MYO1B: variants seen among roughly 807,000 people sequenced by gnomAD.
MYO1B encodes unconventional myosin-Ib.
In MYO1B, 72 loss-of-function variants were observed where a neutral mutation model predicts 159.7. The ratio of observed to expected loss-of-function variants is 0.45; its 90% confidence interval spans 0.37 to 0.55. MYO1B has a LOEUF of 0.55. Ranked by LOEUF, MYO1B falls within the 20% of genes least tolerant of loss-of-function variation. The pLI, the probability that MYO1B is intolerant of heterozygous loss-of-function variation, is 0.00. For missense variants in MYO1B, 1,062 were observed against 1,364.8 expected (o/e 0.78, Z 3.50); for synonymous variants, 468 against 473.8 (o/e 0.99, Z 0.16).
chr2:191,315,190 T>TCCAC (rs942512361), intron 3 of MYO1B, among the ~76,000 whole-genome samples: 1 of 142,008 alleles, frequency 7.0e-6, no homozygotes, highest in East Asian at 2.1e-4. Context: ...CATCCATCCA[T>TCCAC]CCACCCATCC....
At chr2:191,290,107 G>A (rs151281673) in intron 2 of MYO1B, among the ~76,000 whole-genome samples, 62 of 152,222 alleles carry the variant, frequency 4.1e-4, no homozygotes, top group African/African-American at 1.5e-3. Context: ...ATTACCCTAC[G>A]TTCCCAATTA....
Position 191,260,253 on chromosome 2 carries a change from G to GTTTTTTTTTTTTTTTTTTTTTTT in MYO1B, c.-10+14627_-10+14628insTTTTTTTTTTTTTTTTTTTTTTT, listed in dbSNP as rs1256549425. ...ATAATATTACTTTTTTCCCAGATAG[G>GTTTTTTTTTTTTTTTTTTTTTTT]CTTTTTTTTTTTTTGAATTAAAGCT... On this transcript the variant is annotated intron_variant, in intron 1 of 30. Transcript: ENST00000392318. 1.9e-3 allele frequency among the ~76,000 whole-genome samples: 43 copies of GTTTTTTTTTTTTTTTTTTTTTTT among 22,632 alleles called. No homozygotes were observed. The Non-Finnish European group carries it at 0.028, about 15-fold the overall frequency. 14.8% of individuals were successfully genotyped at this position (22,632 alleles called of 152,430 possible). A position where few individuals can be genotyped will look rare whatever the true frequency, so the allele number is the denominator to read the frequency against.
intron 20 of MYO1B, among the ~76,000 whole-genome samples, chr2:191,393,795 A>T (rs112260030): frequency 6.6e-6 from 1 of 152,352 alleles, no homozygotes; most frequent in East Asian, 1.9e-4. Context: ...CCTAGTTAAT[A>T]TGAAATTTCT....
Position 191,360,714 on chromosome 2 carries a change from T to G in MYO1B, c.646T>G (p.Ser216Ala). 6.2e-7 allele frequency: 1 copy of G among 1,608,856 alleles called. No homozygotes were observed. Among genetic ancestry groups the G allele is most frequent in the East Asian group, 2.2e-5 (1 of 44,812 alleles). ...HVFYQLLSGA[S>A]EELLNKLKLE... Reference sequence around the variant, plus strand: ...GTTCTATCAGCTGCTCTCTGGTGCCTCTGAAGAGCTCCTCAGTAAGTCTCT... The same window carrying G: ...GTTCTATCAGCTGCTCTCTGGTGCCGCTGAAGAGCTCCTCAGTAAGTCTCT... The change falls in exon 8 of 31, where the codon TCT becomes GCT. Residue 216 changes from serine (S) to alanine (A), a missense_variant. Around this residue, in one of 5 missense-constraint regions of MYO1B, gnomAD observed 415 missense variants for 544.0 expected, o/e 0.76. Coordinates refer to ENST00000392318, the MANE Select transcript of MYO1B (RefSeq NM_001130158.3).
At chr2:191,326,283 T>C (rs1459136733) in intron 3 of MYO1B, among the ~76,000 whole-genome samples, 3 of 152,174 alleles carry the variant, frequency 2.0e-5, no homozygotes, top group Admixed American at 2.0e-4. Context: ...TTTATAGTTA[T>C]AAATGTTGGA....
chr2:191,279,766 TA>T (rs34604771), intron 2 of MYO1B, among the ~76,000 whole-genome samples: 20 of 151,438 alleles, frequency 1.3e-4, no homozygotes, highest in Middle Eastern at 6.8e-3. Context: ...AAGATGCAGT[TA>T]AAAAAAAACA....
chr2:191,396,319 T>G (rs1696067756), intron 20 of MYO1B, 110 bp from the exon 21 acceptor site: 1 of 1,081,572 alleles, frequency 9.2e-7, no homozygotes, highest in South Asian at 1.4e-5. Flanking sequence ...CCAGAAGGAG[T>G]ATGGATAATT....
At chr2:191,345,224 C>G (rs888205419) in intron 5 of MYO1B, among the ~76,000 whole-genome samples, 1 of 152,162 alleles carries the variant, frequency 6.6e-6, no homozygotes, top group Non-Finnish European at 1.5e-5. Flanking sequence ...TCTTCCCAGA[C>G]CCATTGAACC....
intron 4 of MYO1B, among the ~76,000 whole-genome samples, chr2:191,335,406 G>A (rs1407823248): frequency 6.6e-6 from 1 of 152,128 alleles, no homozygotes; most frequent in African/African-American, 2.4e-5. Flanking sequence ...AGAATATTGT[G>A]TGTTGTTTAA....
At chr2:191,417,470 G>A (rs1474344564) in intron 30 of MYO1B, among the ~76,000 whole-genome samples, 1 of 152,160 alleles carries the variant, frequency 6.6e-6, no homozygotes, top group African/African-American at 2.4e-5. Context: ...CATAATCTGG[G>A]AGAATGGGCT....
rs201894657 is a variant in MYO1B, at chr2:191,393,233, C to T, written c.2226+11C>T. The stretch of plus-strand genomic sequence containing the variant: ...TACAGGAGATATGCGGTAAGAGTCT[C>T]AGTCATTTTAAATCAGTAATAACAA... On this transcript the variant is annotated intron_variant, in intron 20 of 30. Transcript: ENST00000392318. The T allele has an allele frequency of 3.7e-5, 59 of 1,612,910 alleles. No individual in the cohort carries two copies. Among genetic ancestry groups the T allele is most frequent in the Non-Finnish European group, 4.7e-5 (55 of 1,179,310 alleles).
At chr2:191,284,251 T>C in intron 2 of MYO1B, among the ~76,000 whole-genome samples, 1 of 152,224 alleles carries the variant, frequency 6.6e-6, no homozygotes, top group East Asian at 1.9e-4. Flanking sequence ...TACACATGCA[T>C]CTGTGTCTGT....
chr2:191,253,960 T>A (rs1386373674), intron 1 of MYO1B, among the ~76,000 whole-genome samples: 1 of 152,212 alleles, frequency 6.6e-6, no homozygotes, highest in Non-Finnish European at 1.5e-5. Flanking sequence ...TCATACCGCT[T>A]GTTAGATTTG....
intron 4 of MYO1B, among the ~76,000 whole-genome samples, chr2:191,335,094 A>G (rs902674913): frequency 5.3e-5 from 8 of 152,232 alleles, no homozygotes; most frequent in South Asian, 2.1e-4. Flanking sequence ...GTGATGAACT[A>G]TCGTCTTGGG....
intron 26 of MYO1B, 70 bp from the exon 27 acceptor site, chr2:191,410,996 C>T (rs1697219451): frequency 1.2e-6 from 1 of 865,328 alleles, no homozygotes; most frequent in African/African-American, 1.8e-5. Flanking sequence ...ATTGTCTTAG[C>T]ATATTTAAGA....
chr2:191,308,573 A>G (rs904770452), intron 3 of MYO1B, among the ~76,000 whole-genome samples: 10 of 151,922 alleles, frequency 6.6e-5, no homozygotes, highest in African/African-American at 2.2e-4. Context: ...TTCCATTCCC[A>G]CCAACATAAC....
chr2:191,341,613 T>C (rs1409648448), intron 5 of MYO1B, 48 bp downstream of exon 5: 2 of 1,466,114 alleles, frequency 1.4e-6, no homozygotes, highest in Non-Finnish European at 1.9e-6. Flanking sequence ...AACAGTAGAT[T>C]GAGTTATGTG....
At chr2:191,365,405 A>G (rs957066437) in intron 11 of MYO1B, among the ~76,000 whole-genome samples, 2 of 152,244 alleles carry the variant, frequency 1.3e-5, no homozygotes, top group Non-Finnish European at 2.9e-5. Context: ...TTAGCTTTCA[A>G]CATTGATATC....
rs112708337 is a variant in MYO1B at position 191,283,892 on chromosome 2, G to A, written c.135+6862G>A. On this transcript the variant is annotated intron_variant, in intron 2 of 30. Transcript: ENST00000392318. ...AATGACCTGGACAAATAATCAAAAT[G>A]ATAATCAGTATTCCTGCCATGTGTT... 1.4e-3 allele frequency among the ~76,000 whole-genome samples: 210 copies of A among 152,352 alleles called. 1 individual carries two copies. The highest frequency in any genetic ancestry group is 4.9e-3 in the African/African-American group (202 of 41,588).
Sources: allele counts gnomAD v4.1 joint callset (sites outside exome capture counted in the v4.1 genomes callset), GRCh38; gene constraint gnomAD v4.1.1; regional missense constraint gnomAD v4.1.1; transcripts MANE v1.5; gene names NCBI Gene and HGNC (gene_info 2026-07-23, HGNC 2026-07-21).